Variants in NR1H4 observed in about 807,000 individuals in gnomAD.
The protein encoded by NR1H4 is nuclear receptor subfamily 1 group H member 4, also known as bile acid receptor.
Under a neutral mutation model 58.5 loss-of-function variants are expected in NR1H4, and 23 were observed. The ratio of observed to expected loss-of-function variants is 0.39; its 90% CI spans 0.28 to 0.56. NR1H4 has a LOEUF of 0.56. Among genes scored for constraint, NR1H4 ranks in the 20% least tolerant of loss-of-function variants. NR1H4 has a pLI of 0.58. For synonymous variants in NR1H4, 214 were observed against 198.0 expected, an observed-to-expected ratio of 1.08 and a Z score of -0.68; for missense variants, 487 against 576.9, an observed-to-expected ratio of 0.84 and a Z score of 1.60.
At chr12:100,514,722 T>A (rs1329019136) in intron 4 of NR1H4, among the ~76,000 whole-genome samples, 2 of 152,196 alleles carry the variant, frequency 1.3e-5, no homozygotes, top group South Asian at 4.1e-4. Flanking sequence ...AGGGAAGCTA[T>A]AATATTTCTT....
At chr12:100,476,070 A>G (rs1356625083) in intron 1 of NR1H4, among the ~76,000 whole-genome samples, 1 of 152,114 alleles carries the variant, frequency 6.6e-6, no homozygotes, top group African/African-American at 2.4e-5. Context: ...AGATGAGAAA[A>G]CTGAGACTCA....
intron 9 of NR1H4, among the ~76,000 whole-genome samples, chr12:100,546,225 A>G (rs553534401): frequency 9.9e-5 from 15 of 152,270 alleles, no homozygotes; most frequent in African/African-American, 3.6e-4. Context: ...CACGAAAAAT[A>G]TTGTTTGCTC....
chr12:100,506,191 G>T (rs957743776), intron 3 of NR1H4, among the ~76,000 whole-genome samples: 1 of 152,048 alleles, frequency 6.6e-6, no homozygotes, highest in Non-Finnish European at 1.5e-5. Context: ...ATTTTGCTAG[G>T]TTCTTTAGGA....
chr12:100,501,498 TC>T (rs1953833910), intron 3 of NR1H4, among the ~76,000 whole-genome samples: 1 of 152,110 alleles, frequency 6.6e-6, no homozygotes, highest in South Asian at 2.1e-4. Flanking sequence ...TGGGTTAAAG[TC>T]CCAGCTTCAT....
intron 8 of NR1H4, among the ~76,000 whole-genome samples, chr12:100,537,632 G>A (rs1260726261): frequency 6.6e-6 from 1 of 152,230 alleles, no homozygotes; most frequent in Non-Finnish European, 1.5e-5. Flanking sequence ...TATTTGAGTT[G>A]AGTCTAAAAG....
At chr12:100,479,473 C>T (rs927072470) in intron 1 of NR1H4, among the ~76,000 whole-genome samples, 3 of 152,144 alleles carry the variant, frequency 2.0e-5, no homozygotes, top group Non-Finnish European at 4.4e-5. Context: ...GAGCTGAGTC[C>T]ACTAGCTACA....
At chr12:100,544,940 C>A (rs1955024991) in intron 9 of NR1H4, among the ~76,000 whole-genome samples, 1 of 152,032 alleles carries the variant, frequency 6.6e-6, no homozygotes, top group Admixed American at 6.6e-5. Context: ...TGTGTTCTCT[C>A]TCCTCCTCCT....
chr12:100,544,138 G>C (rs577171235), intron 9 of NR1H4, among the ~76,000 whole-genome samples: 3 of 151,724 alleles, frequency 2.0e-5, no homozygotes, highest in South Asian at 4.2e-4. Context: ...TGTAGTCCCA[G>C]CTACTCGGGA....
At chr12:100,532,356 G>A (rs975923751) in intron 4 of NR1H4, 102 bp from the exon 5 acceptor site, 65 of 1,130,434 alleles carry the variant, frequency 5.8e-5, no homozygotes, top group Non-Finnish European at 8.4e-5. Context: ...GTGCTCTCCA[G>A]CAGTTGGTGA....
intron 9 of NR1H4, among the ~76,000 whole-genome samples, chr12:100,545,476 C>T (rs1955038552): frequency 6.6e-6 from 1 of 151,032 alleles, no homozygotes; most frequent in Admixed American, 6.6e-5. Context: ...TCCATCTTTA[C>T]AAAAAAGTTA....
At chr12:100,479,087 CT>C (rs1953328067) in intron 1 of NR1H4, among the ~76,000 whole-genome samples, 1 of 151,868 alleles carries the variant, frequency 6.6e-6, no homozygotes, top group Non-Finnish European at 1.5e-5. Context: ...TTTATCCTTT[CT>C]GTTTTTATTT....
intron 1 of NR1H4, among the ~76,000 whole-genome samples, chr12:100,487,718 TCTC>T (rs1405942109): frequency 6.6e-6 from 1 of 151,636 alleles, no homozygotes; most frequent in Non-Finnish European, 1.5e-5. Flanking sequence ...TTCAAATGAT[TCTC>T]CTGCCTCAGC....
At chr12:100,480,804 T>C (rs1365109739) in intron 1 of NR1H4, among the ~76,000 whole-genome samples, 1 of 152,240 alleles carries the variant, frequency 6.6e-6, no homozygotes, top group Non-Finnish European at 1.5e-5. Flanking sequence ...CTGCTGGTTA[T>C]GCCTGGGTTC....
intron 3 of NR1H4, among the ~76,000 whole-genome samples, chr12:100,499,487 A>G (rs1311616987): frequency 6.6e-5 from 10 of 152,134 alleles, no homozygotes; most frequent in Admixed American, 3.9e-4. Context: ...GGTTCTCTTG[A>G]TAGTGGAGTA....
intron 4 of NR1H4, among the ~76,000 whole-genome samples, chr12:100,527,770 G>A (rs746863337): frequency 8.5e-5 from 13 of 152,052 alleles, no homozygotes; most frequent in Admixed American, 7.2e-4. Flanking sequence ...CCTTGCGATC[G>A]TTTGCTGAGA....
intron 3 of NR1H4, among the ~76,000 whole-genome samples, chr12:100,498,418 C>A (rs972878466): frequency 6.6e-6 from 1 of 152,140 alleles, no homozygotes; most frequent in Non-Finnish European, 1.5e-5. Flanking sequence ...GCAGGCGGAT[C>A]ACCAGAGGTC....
chr12:100,511,150 A>G lies in NR1H4; in HGVS notation c.445+7A>G. The G allele has an allele frequency of 6.2e-7, 1 of 1,614,214 alleles. No individual in the cohort carries two copies. The highest frequency in any genetic ancestry group is 8.5e-7 in the Non-Finnish European group (1 of 1,180,028). On this transcript the variant is annotated splice_region_variant and intron_variant, in intron 4 of 10. Transcript: ENST00000392986. ...ACCTGTGAGGGGTGTAAAGGTAAGC[A>G]TCTTTGATTGGCAGTTTTCTCCTTC... is the stretch of plus-strand genomic sequence containing the variant.
intron 9 of NR1H4, among the ~76,000 whole-genome samples, chr12:100,542,002 G>A (rs1428955857): frequency 6.6e-6 from 1 of 152,188 alleles, no homozygotes; most frequent in Non-Finnish European, 1.5e-5. Flanking sequence ...AGCTGAGACA[G>A]AGAAAGGTTA....
At chr12:100,485,633 A>G (rs1471798798) in intron 1 of NR1H4, among the ~76,000 whole-genome samples, 1 of 151,948 alleles carries the variant, frequency 6.6e-6, no homozygotes, top group Non-Finnish European at 1.5e-5. Context: ...CCTGGGTTCA[A>G]GTGATTCTCC....
Sources: allele counts gnomAD v4.1 joint callset (sites outside exome capture counted in the v4.1 genomes callset), GRCh38; gene constraint gnomAD v4.1.1; transcripts MANE v1.5; gene names NCBI Gene and HGNC (gene_info 2026-07-23, HGNC 2026-07-21).